The following POU2F3 variants were observed in gnomAD, a reference collection of about 807,000 sequenced individuals.
POU2F3 encodes the protein POU domain, class 2, transcription factor 3.
POU2F3 carries 23 observed loss-of-function variants against 59.2 expected under a neutral mutation model. That is an observed-to-expected ratio of 0.39 (90% CI 0.28 to 0.55). The LOEUF is 0.55. Among genes scored for constraint, POU2F3 ranks in the 20% least tolerant of loss-of-function variants. The pLI is 0.66. For missense variants in POU2F3, 473 were observed against 544.5 expected, an observed-to-expected ratio of 0.87 and a Z score of 1.31; for synonymous variants, 190 against 214.6, an observed-to-expected ratio of 0.89 and a Z score of 1.00.
At chr11:120,302,412 C>T in intron 6 of POU2F3, 44 bp downstream of exon 6, 1 of 1,524,792 alleles carries the variant, frequency 6.6e-7, no homozygotes, top group Non-Finnish European at 9.1e-7. Flanking sequence ...AATGTCTCAG[C>T]TCTCACTGAG....
chr11:120,262,104 C>A (rs938316923), intron 2 of POU2F3, among the ~76,000 whole-genome samples: 1 of 152,230 alleles, frequency 6.6e-6, no homozygotes, highest in Non-Finnish European at 1.5e-5. Flanking sequence ...GAAAAGTCCA[C>A]TGACATTTAT....
intron 8 of POU2F3, 49 bp from the exon 9 acceptor site, chr11:120,307,430 C>A (rs764420359): frequency 1.2e-5 from 19 of 1,601,216 alleles, no homozygotes; most frequent in African/African-American, 4.0e-5. Context: ...AAGGCACCGG[C>A]CACTCATCCC....
intron 10 of POU2F3, among the ~76,000 whole-genome samples, chr11:120,311,220 G>A (rs1345054430): frequency 6.6e-6 from 1 of 152,220 alleles, no homozygotes; most frequent in African/African-American, 2.4e-5. Context: ...GAAGGTTTGG[G>A]GGAATCACTG....
At chr11:120,309,371 C>G (rs1248865523) in intron 9 of POU2F3, 54 bp from the exon 10 acceptor site, 1 of 1,520,588 alleles carries the variant, frequency 6.6e-7, no homozygotes, top group Non-Finnish European at 9.1e-7. Context: ...GACCTCTGTT[C>G]CCTGCCCCTG....
upstream of POU2F3, among the ~76,000 whole-genome samples, chr11:120,237,014 TAAGAG>T (rs1938522803): frequency 6.6e-6 from 1 of 152,160 alleles, no homozygotes; most frequent in African/African-American, 2.4e-5. Context: ...CGTTATCTGA[TAAGAG>T]AAGGGGAAGC....
intron 10 of POU2F3, among the ~76,000 whole-genome samples, chr11:120,313,454 A>G (rs904688351): frequency 1.4e-4 from 21 of 152,240 alleles, no homozygotes; most frequent in Middle Eastern, 3.2e-3. Context: ...GTCATGAAGG[A>G]AAAGGAGGGA....
rs1239230196 is a variant in POU2F3 at position 120,299,744 on chromosome 11, T to G, written c.361+18T>G. 2 of 1,600,024 alleles carry G rather than the reference T, an allele frequency of 1.2e-6. No individual in the cohort carries two copies. Among genetic ancestry groups the G allele is most frequent in the Middle Eastern group, 1.7e-4 (1 of 6,020 alleles). ...GCAGCAAGGTAAGAACCCTGGGGGT[T>G]TCCACCTAGACCAAGTCCAGTCAAG... is the stretch of plus-strand genomic sequence containing the variant. On this transcript the variant is annotated intron_variant, in intron 5 of 12. Transcript: ENST00000543440.
At position 120,319,605 on chromosome 11, in the gene POU2F3, C is replaced by G. The variant is rs1941871770; in HGVS notation, c.*1213C>G. Reference sequence around the variant, plus strand: ...CAGGCGCCCACCACCAAAAATTAGCCCAGCTAATTTTTGTATTTTTAGTAG... The same window carrying G: ...CAGGCGCCCACCACCAAAAATTAGCGCAGCTAATTTTTGTATTTTTAGTAG... On this transcript the variant is annotated 3_prime_UTR_variant, in exon 13 of 13. Coordinates refer to ENST00000543440, the MANE Select transcript of POU2F3 (RefSeq NM_014352.4). 6.6e-6 allele frequency: 1 copy of G among 151,758 alleles called. No individual in the cohort carries two copies. The highest frequency in any genetic ancestry group is 1.5e-5 in the Non-Finnish European group (1 of 67,874). The allele number at this position is 151,758 out of a possible 1,614,324, so 9.4% of individuals were successfully genotyped here. A position where few individuals can be genotyped will look rare whatever the true frequency, so the allele number is the denominator to read the frequency against.
intron 3 of POU2F3, among the ~76,000 whole-genome samples, chr11:120,278,949 T>A (rs1289716994): frequency 6.6e-6 from 1 of 152,202 alleles, no homozygotes; most frequent in Non-Finnish European, 1.5e-5. Context: ...TCCAAAGTGA[T>A]GTCCCCATTG....
At chr11:120,290,988 G>A (rs1390496322) in intron 3 of POU2F3, among the ~76,000 whole-genome samples, 1 of 152,188 alleles carries the variant, frequency 6.6e-6, no homozygotes, top group Non-Finnish European at 1.5e-5. Flanking sequence ...AATGGGGGAG[G>A]TAAGAGCAAA....
rs1416688967 is a variant in POU2F3, at chr11:120,312,276, A to G, written c.1068+2690A>G. On this transcript the variant is annotated intron_variant, in intron 10 of 12. Coordinates refer to ENST00000543440, the MANE Select transcript of POU2F3 (RefSeq NM_014352.4). ...GTAGCTGGGATTACAGGCACCCACC[A>G]TCACACCTGGCTAATTTTGTATGTT... Among the ~76,000 whole-genome samples the G allele has an allele frequency of 2.0e-5, 3 of 152,070 alleles. No individual in the cohort carries two copies. The East Asian group carries it at 5.8e-4, about 29-fold the overall frequency.
rs528685830 is a variant in POU2F3, at chr11:120,241,282, G to A, written c.28+911G>A. 4.6e-5 allele frequency among the ~76,000 whole-genome samples: 7 copies of A among 152,328 alleles called. No individual in the cohort carries two copies. In the East Asian group the frequency reaches 5.8e-4, roughly 13 times the overall value. ...CCCAGTGATCTTTCTTTAGGATTTC[G>A]GGGCTGTTGATGGGAATGTTGTTAC... is the stretch of plus-strand genomic sequence containing the variant. On this transcript the variant is annotated intron_variant, in intron 1 of 12. Transcript: ENST00000543440.
chr11:120,246,400 C>G, intron 1 of POU2F3, 49 bp from the exon 2 acceptor site: 1 of 1,588,210 alleles, frequency 6.3e-7, no homozygotes, highest in African/African-American at 1.3e-5. Flanking sequence ...TATGTCATAG[C>G]AAGAAAAATT....
intron 3 of POU2F3, 116 bp from the exon 4 acceptor site, chr11:120,298,149 A>G: frequency 7.6e-7 from 1 of 1,309,732 alleles, no homozygotes; most frequent in Non-Finnish European, 1.0e-6. Context: ...GCCCTGGGCT[A>G]GCTCTCTCCT....
intron 2 of POU2F3, among the ~76,000 whole-genome samples, chr11:120,261,570 G>A (rs1370833904): frequency 6.6e-6 from 1 of 152,148 alleles, no homozygotes; most frequent in Non-Finnish European, 1.5e-5. Context: ...TCCAGACAGG[G>A]AATTCTGGCA....
chr11:120,305,378 C>T, intron 7 of POU2F3, 166 bp downstream of exon 7: 1 of 934,886 alleles, frequency 1.1e-6, no homozygotes, highest in Non-Finnish European at 1.6e-6. Context: ...GGTAGGGAAA[C>T]TGAGGACGTT....
At chr11:120,305,258 G>A (rs775332459) in intron 7 of POU2F3, 46 bp downstream of exon 7, 12 of 1,588,478 alleles carry the variant, frequency 7.6e-6, no homozygotes, top group Non-Finnish European at 1.0e-5. Context: ...CCGAGCGGCT[G>A]GAGACTGGGC....
chr11:120,237,639 C>T (rs1042117679), upstream of POU2F3, among the ~76,000 whole-genome samples: 2 of 152,120 alleles, frequency 1.3e-5, no homozygotes, highest in Non-Finnish European at 2.9e-5. Flanking sequence ...ATGAGACCCT[C>T]GGTGCACATG....
intron 3 of POU2F3, among the ~76,000 whole-genome samples, chr11:120,287,188 G>A (rs553733106): frequency 9.2e-5 from 14 of 152,258 alleles, no homozygotes; most frequent in Non-Finnish European, 1.8e-4. Context: ...ATGGTGGAAA[G>A]AGGGTTGATT....
Sources: allele counts gnomAD v4.1 joint callset (sites outside exome capture counted in the v4.1 genomes callset), GRCh38; gene constraint gnomAD v4.1.1; transcripts MANE v1.5; gene names NCBI Gene and HGNC (gene_info 2026-07-23, HGNC 2026-07-21).